Variants in CCSAP observed in about 807,000 individuals in gnomAD.
The protein encoded by CCSAP is centriole, cilia and spindle associated protein.
A neutral mutation model predicts 25.9 loss-of-function variants in CCSAP; 17 were observed. That is an observed-to-expected ratio of 0.66 (90% CI 0.45 to 0.99). CCSAP has a LOEUF of 0.99. Ranked by LOEUF, CCSAP falls within the 50% of genes least tolerant of loss-of-function variation. The pLI is 0.00. For synonymous variants in CCSAP, 169 were observed against 157.1 expected (o/e 1.08, Z -0.57); for missense variants, 339 against 367.8 (o/e 0.92, Z 0.64).
Position 229,322,484 on chromosome 1 carries a change from T to G in CCSAP, c.*2751A>C, listed in dbSNP as rs1657848619. Reference sequence around the variant, plus strand: ...TTATTCATTTTTAAAATGAATCTTTTGAAGATCCATTTATTCACATTTTTC... The same window carrying G: ...TTATTCATTTTTAAAATGAATCTTTGGAAGATCCATTTATTCACATTTTTC... On this transcript the variant is annotated 3_prime_UTR_variant, in exon 4 of 4. Transcript: ENST00000284617. 6.6e-6 allele frequency: 1 copy of G among 152,230 alleles called. No homozygotes were observed. Among genetic ancestry groups the G allele is most frequent in the African/African-American group, 2.4e-5 (1 of 41,460 alleles). 9.4% of individuals were successfully genotyped at this position (152,230 alleles called of 1,614,324 possible).
At chr1:229,338,538 A>AACACACAC (rs55718200) in intron 2 of CCSAP, among the ~76,000 whole-genome samples, 2,522 of 141,878 alleles carry the variant, frequency 0.018, 70 homozygotes, top group African/African-American at 0.059. Context: ...CCCAAACCCC[A>AACACACAC]ACACACACAC....
Position 229,342,537 on chromosome 1 carries a change from A to G in CCSAP, c.-48-24T>C. The G allele has an allele frequency of 9.5e-7, 1 of 1,050,994 alleles. No homozygotes were observed. Among genetic ancestry groups the G allele is most frequent in the Non-Finnish European group, 1.2e-6 (1 of 816,884 alleles). 65.1% of individuals were successfully genotyped at this position (1,050,994 alleles called of 1,614,324 possible). ...GCCTACGGGACCCGGTACACGACAC[A>G]GAGGCCGCCCCGCCCCTCCGCCGGC... On this transcript the variant is annotated intron_variant, in intron 1 of 3. Transcript: ENST00000284617. This position sits in a 1 kb window ranked among gnomAD's most constrained non-coding sequence, Gnocchi z 7.5.
chr1:229,342,394 C>A lies in CCSAP; in HGVS notation c.72G>T (p.Gly24=). The A allele has an allele frequency of 6.7e-7, 1 of 1,490,446 alleles. No individual in the cohort carries two copies. Among genetic ancestry groups the A allele is most frequent in the South Asian group, 1.3e-5 (1 of 76,168 alleles). The allele number at this position is 1,490,446 out of a possible 1,614,324, so 92.3% of individuals were successfully genotyped here. A position where few individuals can be genotyped will look rare whatever the true frequency, so the allele number is the denominator to read the frequency against. ...RYQEPRWEEY[G]PCYRELLHYR... Reference sequence around the variant, plus strand: ...AGTGCAGCAGCTCGCGGTAGCACGGCCCGTACTCCTCCCAGCGCGGCTCCT... The same window carrying A: ...AGTGCAGCAGCTCGCGGTAGCACGGACCGTACTCCTCCCAGCGCGGCTCCT... Residue 24 remains glycine, a synonymous_variant, in exon 2 of 4, where the codon GGG becomes GGT. Transcript: ENST00000284617. The surrounding 1 kb of genome is among the most constrained non-coding windows in gnomAD (Gnocchi z 7.5).
At chr1:229,340,081 C>A (rs1328283316) in intron 2 of CCSAP, among the ~76,000 whole-genome samples, 1 of 152,114 alleles carries the variant, frequency 6.6e-6, no homozygotes, top group Non-Finnish European at 1.5e-5. Context: ...TCAGACAGAA[C>A]TACGTGATTC....
chr1:229,323,366 T>C lies in CCSAP; in HGVS notation c.*1869A>G, dbSNP rs1028336329. 3.9e-5 allele frequency: 6 copies of C among 152,186 alleles called. No individual in the cohort carries two copies. Among genetic ancestry groups the C allele is most frequent in the Non-Finnish European group, 5.9e-5 (4 of 68,042 alleles). 9.4% of individuals were successfully genotyped at this position (152,186 alleles called of 1,614,324 possible). On this transcript the variant is annotated 3_prime_UTR_variant, in exon 4 of 4. Transcript: ENST00000284617. ...GGGTTTCTAAGGCAGTCCGTCAGTGTGGGGCCTGCACCACTCTCTAAGGCC... is the reference window on the plus strand; with the variant it reads ...GGGTTTCTAAGGCAGTCCGTCAGTGCGGGGCCTGCACCACTCTCTAAGGCC...
At chr1:229,340,437 C>A in intron 2 of CCSAP, 1 of 716,410 alleles carries the variant, frequency 1.4e-6, no homozygotes, top group Non-Finnish European at 2.6e-6. Context: ...CATATCACAA[C>A]GCTGCCTAAA....
chr1:229,325,328 A>T lies in CCSAP; in HGVS notation c.720T>A (p.Ser240=). 1 of 1,614,212 alleles carries T rather than the reference A, an allele frequency of 6.2e-7. No homozygotes were observed. Among genetic ancestry groups the T allele is most frequent in the Non-Finnish European group, 8.5e-7 (1 of 1,180,024 alleles). Residue 240 remains serine (S), a synonymous_variant, in exon 4 of 4, where the codon TCT becomes TCA. Transcript: ENST00000284617. ...KLVAQRQRAH[S]VDVEKNRKMK... is the part of the protein sequence containing the mutation. ...TCTTTCTGTTCTTCTCCACATCCACAGAGTGAGCTCGCTGCCTTTGAGCAA... is the reference window on the plus strand; with the variant it reads ...TCTTTCTGTTCTTCTCCACATCCACTGAGTGAGCTCGCTGCCTTTGAGCAA...
Position 229,325,409 on chromosome 1 carries a change from A to G in CCSAP, c.639T>C (p.Ile213=). The change falls in exon 4 of 4, where the codon ATT becomes ATC. Residue 213 remains isoleucine, a splice_region_variant and synonymous_variant. Coordinates refer to ENST00000284617, the MANE Select transcript of CCSAP (RefSeq NM_145257.5). ...NVCASAPVHE[I]HESALRAKNR... is the part of the protein sequence containing the mutation. ...TCTTGGCTCGTAATGCTGATTCATG[A>G]ATCTAAAGAGAGTTCAAAATAAAGG... 6.2e-7 allele frequency: 1 copy of G among 1,612,260 alleles called. No individual in the cohort carries two copies. The highest frequency in any genetic ancestry group is 1.1e-5 in the South Asian group (1 of 90,750).
At chr1:229,327,618 C>T (rs2102691980) in intron 2 of CCSAP, 1 of 455,452 alleles carries the variant, frequency 2.2e-6, no homozygotes, top group East Asian at 7.0e-5. Context: ...ACCTGTAATC[C>T]CAGCACTTTG....
At chr1:229,332,843 G>A (rs1156925808) in intron 2 of CCSAP, among the ~76,000 whole-genome samples, 4 of 152,112 alleles carry the variant, frequency 2.6e-5, no homozygotes, top group African/African-American at 4.8e-5. Context: ...TGGAGAACAC[G>A]CCCATCATCA....
At position 229,342,458 on chromosome 1, in the gene CCSAP, G is replaced by T; in HGVS notation, c.8C>A (p.Pro3Gln). 7.4e-7 allele frequency: 1 copy of T among 1,359,000 alleles called. No individual in the cohort carries two copies. 84.2% of individuals were successfully genotyped at this position (1,359,000 alleles called of 1,614,324 possible). A position where few individuals can be genotyped will look rare whatever the true frequency, so the allele number is the denominator to read the frequency against. Residue 3 changes from proline to glutamine, a missense_variant, in exon 2 of 4, where the codon CCG becomes CAG. By Grantham distance (76) the Pro-to-Gln change is moderately conservative. Coordinates refer to ENST00000284617, the MANE Select transcript of CCSAP (RefSeq NM_145257.5). This position sits in a 1 kb window ranked among gnomAD's most constrained non-coding sequence, Gnocchi z 7.5. MS[P>Q]GSGVKSEYMK... ...GTACTCGCTCTTCACCCCGCTCCCC[G>T]GGGACATGGTGCCGTCCGCCGCCTC...
At chr1:229,326,592 G>A in intron 3 of CCSAP, 146 bp downstream of exon 3, 1 of 930,146 alleles carries the variant, frequency 1.1e-6, no homozygotes, top group East Asian at 2.4e-5. Context: ...CCATTCTGGA[G>A]TTCCCCAACC....
At chr1:229,327,200 T>C (rs6665516) in intron 2 of CCSAP, 194 bp from the exon 3 acceptor site, 6,444 of 506,192 alleles carry the variant, frequency 0.013, 345 homozygotes, top group African/African-American at 0.11. Context: ...CATTTTAAAA[T>C]CAACAACAAA....
rs781062232 is a variant in CCSAP at position 229,325,380 on chromosome 1, C to T, written c.668G>A (p.Arg223Lys). ...CAGTTTCCTTTTTTCCACCTGTCTT[C>T]TGTTCTTGGCTCGTAATGCTGATTC... Reference protein sequence around the residue: ...IHESALRAKNRRQVEKRKLVA... With the variant: ...IHESALRAKNKRQVEKRKLVA... Residue 223 changes from arginine to lysine, a missense_variant, in exon 4 of 4, where the codon AGA (arginine) becomes AAA (lysine). By Grantham distance (26) the Arg-to-Lys change is conservative. Transcript: ENST00000284617. 1 of 1,613,890 alleles carries T rather than the reference C, an allele frequency of 6.2e-7. No individual in the cohort carries two copies. Among genetic ancestry groups the T allele is most frequent in the Non-Finnish European group, 8.5e-7 (1 of 1,179,956 alleles).
rs769428896 is a variant in CCSAP at position 229,342,293 on chromosome 1, G to A, written c.173C>T (p.Ser58Leu). ...CGACTCTGACGACGCCGAGTCCTCC[G>A]AGGAGCCGGCCGGGCCCCAGTCGTC... ...LWDDWGPAGS[S>L]EDSASSESSG... Residue 58 changes from serine (S) to leucine (L), a missense_variant, in exon 2 of 4, where the codon TCG becomes TTG. Coordinates refer to ENST00000284617, the MANE Select transcript of CCSAP (RefSeq NM_145257.5). This position sits in a 1 kb window ranked among gnomAD's most constrained non-coding sequence, Gnocchi z 7.5. 3 of 1,408,998 alleles carry A rather than the reference G, an allele frequency of 2.1e-6. 1 individual carries two copies. The South Asian group carries it at 4.6e-5, about 22-fold the overall frequency. 87.3% of individuals were successfully genotyped at this position (1,408,998 alleles called of 1,614,324 possible).
chr1:229,342,229 G>A lies in CCSAP; in HGVS notation c.237C>T (p.Pro79=). The A allele has an allele frequency of 1.6e-6, 2 of 1,261,976 alleles. No homozygotes were observed. Among genetic ancestry groups the A allele is most frequent in the East Asian group, 3.2e-5 (1 of 31,642 alleles). The allele number at this position is 1,261,976 out of a possible 1,614,324, so 78.2% of individuals were successfully genotyped here. Residue 79 remains proline (P), a synonymous_variant, in exon 2 of 4, where the codon CCC becomes CCT. Transcript: ENST00000284617. The surrounding 1 kb of genome is among the most constrained non-coding windows in gnomAD (Gnocchi z 7.5). Reference sequence around the variant, plus strand: ...CCGGCTCTACGGGCGGCGGGGGCGAGGGCGGGGCGCACCGGGGTGCGGGGC... The same window carrying A: ...CCGGCTCTACGGGCGGCGGGGGCGAAGGCGGGGCGCACCGGGGTGCGGGGC... The part of the protein sequence containing the change: ...AGGPAPRCAP[P]SPPPPVEPAT...
In CCSAP at chr1:229,326,791, C is replaced by A; in HGVS notation, c.583G>T (p.Asp195Tyr). Residue 195 changes from aspartate to tyrosine, a missense_variant, in exon 3 of 4, where the codon GAT becomes TAT. Physicochemically the swap from Asp to Tyr is radical, Grantham distance 160. Transcript: ENST00000284617. ...ALYGWGEKQT[D>Y]TGSQKTHNVC... ...TTGTGAGTCTTCTGGCTTCCTGTATCGGTCTGTTTTTCTCCCCAGCCATAA... is the reference window on the plus strand; with the variant it reads ...TTGTGAGTCTTCTGGCTTCCTGTATAGGTCTGTTTTTCTCCCCAGCCATAA... The A allele has an allele frequency of 1.2e-6, 2 of 1,614,228 alleles. No homozygotes were observed. Among genetic ancestry groups the A allele is most frequent in the Non-Finnish European group, 1.7e-6 (2 of 1,180,044 alleles).
rs550425070 is a variant in CCSAP, at chr1:229,335,530, A to C, written c.367+6569T>G. Among the ~76,000 whole-genome samples, 26 of 152,314 alleles carry C rather than the reference A, an allele frequency of 1.7e-4. No homozygotes were observed. In the South Asian group the frequency reaches 4.6e-3, roughly 27 times the overall value. The stretch of plus-strand genomic sequence containing the variant: ...CAGACTTTTATATTAGGTTGGTGTC[A>C]AAATAATTGCACCAAGTAATAACTT... On this transcript the variant is annotated intron_variant, in intron 2 of 3. Coordinates refer to ENST00000284617, the MANE Select transcript of CCSAP (RefSeq NM_145257.5).
intron 2 of CCSAP, among the ~76,000 whole-genome samples, chr1:229,333,063 T>C (rs938773141): frequency 6.6e-6 from 1 of 152,208 alleles, no homozygotes; most frequent in East Asian, 1.9e-4. Context: ...ATATAGAATG[T>C]GTTCTCTAAC....
Sources: gnomAD v4.1 joint callset for allele counts (sites outside exome capture counted in the v4.1 genomes callset) on GRCh38, gnomAD v4.1.1 for gene constraint, Gnocchi (gnomAD v3.1) non-coding constraint, MANE v1.5 for transcripts, NCBI Gene and HGNC (gene_info 2026-07-23, HGNC 2026-07-21) for gene names.